The following DENND4A variants were observed in gnomAD, a reference collection of about 807,000 sequenced individuals.
DENND4A encodes DENN domain containing 4A.
A neutral mutation model predicts 199.3 loss-of-function variants in DENND4A; 70 were observed. The ratio of observed to expected loss-of-function variants is 0.35; its 90% CI spans 0.29 to 0.43. The LOEUF is 0.43. DENND4A is among the 20% of genes least tolerant of loss of function. The pLI is 1.00. For missense variants in DENND4A, 1,723 were observed against 2,255.8 expected, an observed-to-expected ratio of 0.76 and a Z score of 4.78; for synonymous variants, 686 against 766.9, an observed-to-expected ratio of 0.89 and a Z score of 1.74.
intron 20 of DENND4A, among the ~76,000 whole-genome samples, chr15:65,698,197 A>G (rs1251374776): frequency 6.6e-6 from 1 of 152,180 alleles, no homozygotes; most frequent in Non-Finnish European, 1.5e-5. Context: ...TGAGCTCAGG[A>G]GTTCAAGGCT....
chr15:65,756,447 T>C lies in DENND4A; in HGVS notation c.4A>G (p.Ile2Val), dbSNP rs1176850233. The C allele has an allele frequency of 1.2e-6, 2 of 1,602,150 alleles. No individual in the cohort carries two copies. The highest frequency in any genetic ancestry group is 1.7e-6 in the Non-Finnish European group (2 of 1,175,334). M[I>V]EDKGPRVADY... ...GCAACACGAGGCCCCTTGTCTTCAA[T>C]CATCTTCCATTACAGAAGGTTACAT... The change falls in exon 3 of 33, where the codon ATT becomes GTT. Residue 2 changes from isoleucine to valine, a missense_variant. This residue lies in a region of DENND4A where 725 missense variants were observed against 952.9 expected (regional missense o/e 0.76). Transcript: ENST00000443035.
At chr15:65,747,129 C>A (rs927933696) in intron 4 of DENND4A, among the ~76,000 whole-genome samples, 5 of 150,882 alleles carry the variant, frequency 3.3e-5, no homozygotes, top group African/African-American at 1.2e-4. Context: ...ATACTCTTAA[C>A]GAGAGTCAAA....
intron 1 of DENND4A, among the ~76,000 whole-genome samples, chr15:65,770,767 T>C (rs755032148): frequency 7.2e-5 from 11 of 152,142 alleles, no homozygotes; most frequent in African/African-American, 1.2e-4. Context: ...AACTGAAGTG[T>C]CTCACGGAGC....
chr15:65,664,786 G>A, intron 30 of DENND4A, 64 bp from the exon 31 acceptor site: 1 of 1,342,332 alleles, frequency 7.4e-7, no homozygotes, highest in Admixed American at 2.5e-5. Context: ...AAGAAATTAA[G>A]CAGCAACTGA....
Position 65,668,123 on chromosome 15 carries a change from G to A in DENND4A, c.4788C>T (p.Ser1596=). 1.3e-6 allele frequency: 2 copies of A among 1,566,040 alleles called. No individual in the cohort carries two copies. The highest frequency in any genetic ancestry group is 1.2e-5 in the South Asian group (1 of 83,700). Residue 1596 remains serine, a splice_region_variant and synonymous_variant, in exon 28 of 33, where the codon AGC becomes AGT. Transcript: ENST00000443035. ...LSVQGNFDLN[S]KSKLQENFCT... ...AAAAATTTTCCTGCAGTTTAGATTTGCTTGGGAATTGAAAAAAGAAGAAAG... is the reference window on the plus strand; with the variant it reads ...AAAAATTTTCCTGCAGTTTAGATTTACTTGGGAATTGAAAAAAGAAGAAAG...
At chr15:65,738,365 G>T (rs920799698) in intron 6 of DENND4A, among the ~76,000 whole-genome samples, 2 of 152,072 alleles carry the variant, frequency 1.3e-5, no homozygotes, top group African/African-American at 4.8e-5. Flanking sequence ...ACTTGATAAT[G>T]TCCAAGGTCC....
chr15:65,715,486 C>T lies in DENND4A; in HGVS notation c.1945G>A (p.Val649Ile), dbSNP rs768991778. ...GATGTACTGTTACTTACTTTATCTA[C>T]ACAATCATCAAAAAATGCCAGGCTT... is the stretch of plus-strand genomic sequence containing the variant. ...DASLAFFDDC[V>I]DKVDMDKSGE... is the part of the protein sequence containing the mutation. The change falls in exon 14 of 33, where the codon GTA becomes ATA. Residue 649 changes from valine to isoleucine, a missense_variant. By Grantham distance (29) the Val-to-Ile change is conservative. Coordinates refer to ENST00000443035, the MANE Select transcript of DENND4A (RefSeq NM_001320835.1). 44 of 1,609,612 alleles carry T rather than the reference C, an allele frequency of 2.7e-5. No individual in the cohort carries two copies. The South Asian group carries it at 4.7e-4, about 17-fold the overall frequency.
At chr15:65,783,063 A>C (rs1426889265) in intron 1 of DENND4A, among the ~76,000 whole-genome samples, 1 of 151,746 alleles carries the variant, frequency 6.6e-6, no homozygotes, top group Admixed American at 6.6e-5. Flanking sequence ...TATAAGCTTT[A>C]TATATAATTA....
At chr15:65,746,369 C>CTCTTT (rs2076392238) in intron 4 of DENND4A, among the ~76,000 whole-genome samples, 2 of 51,268 alleles carry the variant, frequency 3.9e-5, no homozygotes, top group African/African-American at 7.0e-5. Context: ...ACTTTTTTCT[C>CTCTTT]TTTTTTTTTT....
chr15:65,790,374 T>C (rs904729521), intron 1 of DENND4A, among the ~76,000 whole-genome samples: 2 of 152,240 alleles, frequency 1.3e-5, no homozygotes, highest in Non-Finnish European at 2.9e-5. Flanking sequence ...AAAAGTTATC[T>C]ACATTTATTC....
rs143101351 is a variant in DENND4A, at chr15:65,711,294, G to C, written c.1953+4184C>G. Reference sequence around the variant, plus strand: ...CTACAAGAGGATCACTTAAGTCCAGGAGTTCAAGACCAACCTGGGCAACAC... The same window carrying C: ...CTACAAGAGGATCACTTAAGTCCAGCAGTTCAAGACCAACCTGGGCAACAC... On this transcript the variant is annotated intron_variant, in intron 14 of 32. Coordinates refer to ENST00000443035, the MANE Select transcript of DENND4A (RefSeq NM_001320835.1). 2.9e-3 allele frequency among the ~76,000 whole-genome samples: 438 copies of C among 152,220 alleles called. 3 individuals are homozygous for C. The highest frequency in any genetic ancestry group is 9.9e-3 in the African/African-American group (413 of 41,552).
rs1442653220 is a variant in DENND4A at position 65,659,260 on chromosome 15, T to C, written c.*2591A>G. The C allele has an allele frequency of 2.0e-5, 3 of 151,244 alleles. No homozygotes were observed. Among genetic ancestry groups the C allele is most frequent in the Non-Finnish European group, 2.9e-5 (2 of 67,882 alleles). The allele number at this position is 151,244 out of a possible 1,614,324, so 9.4% of individuals were successfully genotyped here. On this transcript the variant is annotated 3_prime_UTR_variant, in exon 33 of 33. Transcript: ENST00000443035. The stretch of plus-strand genomic sequence containing the variant: ...ATTGGCCATTATTCTCCAAAATGTA[T>C]GGTTAACAGAAAATTGAAGAAAAGT...
intron 1 of DENND4A, among the ~76,000 whole-genome samples, chr15:65,762,297 G>A (rs575259649): frequency 3.3e-5 from 5 of 151,008 alleles, no homozygotes; most frequent in East Asian, 4.0e-4. Context: ...GTGAGCCACC[G>A]CACATGGCCT....
intron 12 of DENND4A, among the ~76,000 whole-genome samples, chr15:65,720,147 A>AC: frequency 6.6e-6 from 1 of 152,298 alleles, no homozygotes; most frequent in African/African-American, 2.4e-5. Context: ...GAGGATTAGG[A>AC]CAGCAGTAAT....
At chr15:65,722,221 GC>G (rs1435940754) in intron 12 of DENND4A, among the ~76,000 whole-genome samples, 1 of 152,136 alleles carries the variant, frequency 6.6e-6, no homozygotes, top group African/African-American at 2.4e-5. Flanking sequence ...GGTGGCTCAT[GC>G]CCGTAATCCC....
rs200373324 is a variant in DENND4A, at chr15:65,759,478, G to GA, written c.-23+1881dup. Among the ~76,000 whole-genome samples the GA allele has an allele frequency of 1.5e-4, 23 of 149,346 alleles. No homozygotes were observed. The East Asian group carries it at 3.1e-3, about 20-fold the overall frequency. On this transcript the variant is annotated intron_variant, in intron 2 of 32. Coordinates refer to ENST00000443035, the MANE Select transcript of DENND4A (RefSeq NM_001320835.1). ...GGGCGACCGAGCGAGACTCCATCTG[G>GA]AAAAAAAAAGGAAAAAAAATGGGAC...
intron 13 of DENND4A, among the ~76,000 whole-genome samples, chr15:65,715,913 G>A (rs1203232917): frequency 6.6e-6 from 1 of 151,822 alleles, no homozygotes; most frequent in Non-Finnish European, 1.5e-5. Flanking sequence ...TCCCCTAAAA[G>A]CTTTGCATAT....
intron 23 of DENND4A, among the ~76,000 whole-genome samples, chr15:65,682,513 G>C (rs2076614485): frequency 6.6e-6 from 1 of 152,188 alleles, no homozygotes; most frequent in Non-Finnish European, 1.5e-5. Flanking sequence ...TAGCTTAAGG[G>C]AATATTGTGG....
rs2141770948 is a variant in DENND4A, at chr15:65,659,123, T to C, written c.*2728A>G. On this transcript the variant is annotated 3_prime_UTR_variant, in exon 33 of 33. Coordinates refer to ENST00000443035, the MANE Select transcript of DENND4A (RefSeq NM_001320835.1). ...TAATGGTAGGACGTAGTAAACAAGC[T>C]ACATCAGCACAGGACATGGTTTATT... 6.6e-6 allele frequency: 1 copy of C among 152,238 alleles called. No homozygotes were observed. The highest frequency in any genetic ancestry group is 3.4e-3 in the Middle Eastern group (1 of 294). 9.4% of individuals were successfully genotyped at this position (152,238 alleles called of 1,614,324 possible).
Sources: gnomAD v4.1 joint callset for allele counts (sites outside exome capture counted in the v4.1 genomes callset) on GRCh38, gnomAD v4.1.1 for gene constraint, gnomAD v4.1.1 regional missense constraint, MANE v1.5 for transcripts, NCBI Gene and HGNC (gene_info 2026-07-23, HGNC 2026-07-21) for gene names.